Variants in WDR26 observed in about 807,000 individuals in gnomAD.
The protein encoded by WDR26 is WD repeat-containing protein 26.
Under a neutral mutation model 84.1 loss-of-function variants are expected in WDR26, and 5 were observed. The observed-to-expected ratio is 0.06, with a 90% confidence interval of 0.03 to 0.13. The LOEUF is 0.13. Ranked by LOEUF, WDR26 falls within the 10% of genes least tolerant of loss-of-function variation. WDR26 has a pLI of 1.00. For missense variants in WDR26, 642 were observed against 974.9 expected (o/e 0.66, Z 4.55); for synonymous variants, 415 against 389.6 (o/e 1.07, Z -0.77).
At chr1:224,411,989 G>T (rs907307606) in intron 6 of WDR26, among the ~76,000 whole-genome samples, 6 of 152,190 alleles carry the variant, frequency 3.9e-5, no homozygotes, top group Admixed American at 3.9e-4. Flanking sequence ...GTGATGGAGT[G>T]AGATCATTTC....
intron 4 of WDR26, 112 bp downstream of exon 4, chr1:224,424,406 G>T: frequency 1.4e-6 from 2 of 1,404,326 alleles, no homozygotes; most frequent in Non-Finnish European, 1.9e-6. Context: ...AGTTTACCTA[G>T]ACAAATATCT....
At position 224,431,725 on chromosome 1, in the gene WDR26, G is replaced by C. The variant is rs758378838; in HGVS notation, c.779C>G (p.Ala260Gly). The change falls in exon 2 of 14, where the codon GCT (alanine) becomes GGT (glycine). Residue 260 changes from alanine to glycine, a missense_variant. By Grantham distance (60) the Ala-to-Gly change is moderately conservative (BLOSUM62 0). This residue lies in a region of WDR26 where 351 missense variants were observed against 672.8 expected (regional missense o/e 0.52). Coordinates refer to ENST00000414423, the MANE Select transcript of WDR26 (RefSeq NM_001379403.1). ...CATGACATGATTTCGGAATTTGGTAGCAGAAGGATGTTCTAAACGACATCC... is the reference window on the plus strand; with the variant it reads ...CATGACATGATTTCGGAATTTGGTACCAGAAGGATGTTCTAAACGACATCC... 1 of 1,613,944 alleles carries C rather than the reference G, an allele frequency of 6.2e-7. No homozygotes were observed. The highest frequency in any genetic ancestry group is 1.7e-5 in the Admixed American group (1 of 60,026).
intron 7 of WDR26, among the ~76,000 whole-genome samples, chr1:224,410,699 T>C (rs964300240): frequency 1.1e-4 from 16 of 147,478 alleles, no homozygotes; most frequent in Admixed American, 5.4e-4. Flanking sequence ...TCTTTCTTTT[T>C]TTTTTTTTTT....
At chr1:224,419,408 C>T in intron 5 of WDR26, 110 bp downstream of exon 5, 1 of 841,386 alleles carries the variant, frequency 1.2e-6, no homozygotes, top group South Asian at 1.5e-5. Context: ...CTCTTCTAAG[C>T]ACTCAATAAA....
At chr1:224,390,394 A>G (rs1673091526) in intron 13 of WDR26, among the ~76,000 whole-genome samples, 1 of 152,246 alleles carries the variant, frequency 6.6e-6, no homozygotes, top group Admixed American at 6.5e-5. Flanking sequence ...TGTTGGGATT[A>G]TAAGGCACTG....
chr1:224,398,393 C>A, intron 11 of WDR26, 122 bp downstream of exon 11: 1 of 1,199,538 alleles, frequency 8.3e-7, no homozygotes, highest in South Asian at 1.6e-5. Context: ...AAGGATCAAT[C>A]ACATGCAATC....
chr1:224,414,829 C>A (rs1358762645), intron 6 of WDR26, among the ~76,000 whole-genome samples: 2 of 151,644 alleles, frequency 1.3e-5, no homozygotes, highest in East Asian at 3.9e-4. Flanking sequence ...AAAAAAGAAA[C>A]CACAAAACAA....
chr1:224,429,673 G>T (rs1488887711), intron 3 of WDR26: 2 of 152,112 alleles, frequency 1.3e-5, no homozygotes, highest in African/African-American at 2.4e-5. Flanking sequence ...ATGGCATGAG[G>T]CTCAGCCAGA....
intron 6 of WDR26, among the ~76,000 whole-genome samples, chr1:224,416,266 C>T (rs1296086200): frequency 1.3e-5 from 2 of 151,502 alleles, no homozygotes; most frequent in Non-Finnish European, 2.9e-5. Context: ...CTCACTCTGT[C>T]GCCCAGGCTA....
At chr1:224,424,052 C>A (rs567650463) in intron 4 of WDR26, among the ~76,000 whole-genome samples, 1 of 93,062 alleles carries the variant, frequency 1.1e-5, no homozygotes, top group East Asian at 3.1e-3. Flanking sequence ...CTCTACCCTT[C>A]ACCCCCCAAA....
intron 1 of WDR26, among the ~76,000 whole-genome samples, chr1:224,432,892 T>C (rs892626696): frequency 1.3e-5 from 2 of 152,218 alleles, no homozygotes; most frequent in Non-Finnish European, 2.9e-5. Context: ...GTGGTTTTTG[T>C]CCAAGGTCGC....
chr1:224,410,268 C>T (rs554098698), intron 7 of WDR26, among the ~76,000 whole-genome samples: 14 of 114,726 alleles, frequency 1.2e-4, no homozygotes, highest in Admixed American at 3.5e-4. Context: ...GGGACAAGAG[C>T]GAGACTTTGT....
chr1:224,392,690 A>T (rs1350632345), intron 13 of WDR26, among the ~76,000 whole-genome samples: 1 of 152,206 alleles, frequency 6.6e-6, no homozygotes, highest in Non-Finnish European at 1.5e-5. Flanking sequence ...AGTAGTTCTC[A>T]AACTTTTTGA....
At chr1:224,426,229 T>C (rs1674206948) in intron 3 of WDR26, among the ~76,000 whole-genome samples, 1 of 152,208 alleles carries the variant, frequency 6.6e-6, no homozygotes, top group Non-Finnish European at 1.5e-5. Flanking sequence ...TTACCATTTA[T>C]TTGCAGAATT....
rs1167113368 is a variant in WDR26 at position 224,433,780 on chromosome 1, T to A, written c.626A>T (p.Glu209Val). The change falls in exon 1 of 14, where the codon GAA (glutamate) becomes GTA (valine). Residue 209 changes from glutamate to valine, a missense_variant. Physicochemically the swap from Glu to Val is moderately radical, Grantham distance 121 (BLOSUM62 -2). Coordinates refer to ENST00000414423, the MANE Select transcript of WDR26 (RefSeq NM_001379403.1). ...CTTCTTCTTGAGGCTGCTGCCCAGT[T>A]CTGGGGTGGCCAAGGAAGAGGAGGC... 44 of 1,536,910 alleles carry A rather than the reference T, an allele frequency of 2.9e-5. No homozygotes were observed. The highest frequency in any genetic ancestry group is 3.8e-5 in the Non-Finnish European group (44 of 1,146,780).
At chr1:224,432,176 G>C (rs970549624) in intron 1 of WDR26, among the ~76,000 whole-genome samples, 2 of 152,202 alleles carry the variant, frequency 1.3e-5, no homozygotes, top group African/African-American at 4.8e-5. Flanking sequence ...AGAGATGACC[G>C]TATCAGTTAA....
At chr1:224,401,775 T>C (rs1673429818) in intron 8 of WDR26, among the ~76,000 whole-genome samples, 1 of 148,260 alleles carries the variant, frequency 6.7e-6, no homozygotes, top group Non-Finnish European at 1.5e-5. Context: ...TTATGTTAAA[T>C]TTCATATTCA....
At chr1:224,399,573 A>C (rs534497993) in intron 9 of WDR26, among the ~76,000 whole-genome samples, 1 of 152,326 alleles carries the variant, frequency 6.6e-6, no homozygotes, top group East Asian at 1.9e-4. Context: ...TCTGAGAGGA[A>C]CAACCCTTCC....
chr1:224,397,430 TATTA>T (rs1470196380), intron 12 of WDR26, among the ~76,000 whole-genome samples: 4 of 152,242 alleles, frequency 2.6e-5, no homozygotes, highest in African/African-American at 9.6e-5. Context: ...CACTAATTTT[TATTA>T]CTGCCTCACT....
Sources: allele counts gnomAD v4.1 joint callset (sites outside exome capture counted in the v4.1 genomes callset), GRCh38; gene constraint gnomAD v4.1.1; regional missense constraint gnomAD v4.1.1; transcripts MANE v1.5; gene names NCBI Gene and HGNC (gene_info 2026-07-23, HGNC 2026-07-21).